CSMD1: variants seen among roughly 807,000 people sequenced by gnomAD.
CSMD1 encodes CUB and Sushi multiple domains 1, also known as CUB and sushi domain-containing protein 1.
CSMD1 carries 213 observed loss-of-function variants against 417.5 expected under a neutral mutation model. That is an observed-to-expected ratio of 0.51 (90% CI 0.46 to 0.57). The LOEUF (loss-of-function observed/expected upper bound fraction) is 0.57, where lower values mean the gene tolerates loss of function less well. Among genes scored for constraint, CSMD1 ranks in the 20% least tolerant of loss-of-function variants. The pLI is 0.00. For missense variants in CSMD1, 6,923 were observed against 4,529.7 expected, an observed-to-expected ratio of 1.53 and a Z score of -15.17; for synonymous variants, 2,862 against 1,736.8, an observed-to-expected ratio of 1.65 and a Z score of -16.11.
intron 10 of CSMD1, among the ~76,000 whole-genome samples, chr8:3,543,110 C>A (rs748724665): frequency 1.3e-5 from 2 of 152,178 alleles, no homozygotes; most frequent in African/African-American, 2.4e-5. Context: ...GTGAGCAAAT[C>A]TGTGCATCCT....
At position 3,979,240 on chromosome 8, in the gene CSMD1, T is replaced by C. The variant is rs371287047; in HGVS notation, c.818+18663A>G. On this transcript the variant is annotated intron_variant, in intron 5 of 69. Transcript: ENST00000635120. ...GTATAGGAAGTTTTAGGCCAGGAAA[T>C]TTAGGGCATCTTTTTGTTTTGGGAG... Among the ~76,000 whole-genome samples, 20 of 152,252 alleles carry C rather than the reference T, an allele frequency of 1.3e-4. No individual in the cohort carries two copies. In the East Asian group the frequency reaches 3.5e-3, roughly 26 times the overall value.
chr8:4,535,990 TAA>T (rs1563265800), intron 2 of CSMD1, among the ~76,000 whole-genome samples: 1 of 152,102 alleles, frequency 6.6e-6, no homozygotes, highest in African/African-American at 2.4e-5. Flanking sequence ...TTAAAATAAA[TAA>T]AAGTTTCAGA....
intron 5 of CSMD1, among the ~76,000 whole-genome samples, chr8:3,757,522 C>T (rs936176029): frequency 6.6e-6 from 1 of 152,160 alleles, no homozygotes; most frequent in African/African-American, 2.4e-5. Flanking sequence ...CAGATTTGGC[C>T]TGCAGGTACT....
intron 5 of CSMD1, among the ~76,000 whole-genome samples, chr8:3,849,491 C>A (rs2954222): frequency 0.18 from 27,389 of 152,078 alleles, 2,774 homozygotes; most frequent in East Asian, 0.39. Flanking sequence ...TGGAATCCAT[C>A]AAATAAATGA....
At position 4,928,612 on chromosome 8, in the gene CSMD1, G is replaced by T. The variant is rs1281340471; in HGVS notation, c.85+65720C>A. The stretch of plus-strand genomic sequence containing the variant: ...GAAAGAGGCTATCCACAAACGCGCT[G>T]AGAAGTAACTGGCTCATAGTAAGGG... On this transcript the variant is annotated intron_variant, in intron 1 of 69. Coordinates refer to ENST00000635120, the MANE Select transcript of CSMD1 (RefSeq NM_033225.6). Among the ~76,000 whole-genome samples, 7 of 152,164 alleles carry T rather than the reference G, an allele frequency of 4.6e-5. No homozygotes were observed. The East Asian group carries it at 1.4e-3, about 29-fold the overall frequency.
intron 3 of CSMD1, among the ~76,000 whole-genome samples, chr8:4,102,387 G>C (rs548814095): frequency 3.9e-5 from 6 of 152,114 alleles, no homozygotes; most frequent in Admixed American, 1.3e-4. Flanking sequence ...TGGTAACTTC[G>C]TAAGGTTAAC....
At chr8:4,959,045 T>C in intron 1 of CSMD1, among the ~76,000 whole-genome samples, 1 of 152,218 alleles carries the variant, frequency 6.6e-6, no homozygotes, top group East Asian at 1.9e-4. Flanking sequence ...TGCTATATAG[T>C]ATATGTCATC....
intron 3 of CSMD1, among the ~76,000 whole-genome samples, chr8:4,076,001 G>A (rs992176581): frequency 2.0e-5 from 3 of 152,122 alleles, no homozygotes; most frequent in African/African-American, 4.8e-5. Context: ...TGGGAGGGTG[G>A]AGGGGGGATA....
chr8:3,044,642 A>T (rs934974443), intron 50 of CSMD1, among the ~76,000 whole-genome samples: 3 of 152,296 alleles, frequency 2.0e-5, no homozygotes, highest in Admixed American at 2.0e-4. Flanking sequence ...ATGAAAAAAA[A>T]AAGGGACCTC....
At chr8:4,237,150 A>T (rs73186168) in intron 3 of CSMD1, among the ~76,000 whole-genome samples, 6,054 of 152,292 alleles carry the variant, frequency 0.04, 141 homozygotes, top group East Asian at 0.088. Flanking sequence ...AGAAATTCTT[A>T]CTGATTGAAA....
intron 1 of CSMD1, among the ~76,000 whole-genome samples, chr8:4,875,623 A>G (rs1802998216): frequency 1.3e-5 from 2 of 152,132 alleles, no homozygotes; most frequent in Non-Finnish European, 2.9e-5. Context: ...GTTGTTTGCA[A>G]TAGGATATGA....
At chr8:3,665,549 G>A (rs532069952) in intron 7 of CSMD1, among the ~76,000 whole-genome samples, 1 of 152,090 alleles carries the variant, frequency 6.6e-6, no homozygotes, top group South Asian at 2.1e-4. Flanking sequence ...ATATTTGTCA[G>A]GAAAATAATT....
At chr8:3,885,594 A>AG (rs1461746667) in intron 5 of CSMD1, among the ~76,000 whole-genome samples, 1 of 152,182 alleles carries the variant, frequency 6.6e-6, no homozygotes, top group African/African-American at 2.4e-5. Context: ...ATCCAACATC[A>AG]GAATCGGCTA....
intron 2 of CSMD1, among the ~76,000 whole-genome samples, chr8:4,633,746 G>C (rs1802674738): frequency 6.6e-6 from 1 of 151,856 alleles, no homozygotes; most frequent in Non-Finnish European, 1.5e-5. Flanking sequence ...TTTTAGTGGA[G>C]ACGGGGTTTC....
At chr8:4,709,873 T>C (rs1399073565) in intron 1 of CSMD1, among the ~76,000 whole-genome samples, 2 of 152,062 alleles carry the variant, frequency 1.3e-5, no homozygotes, top group African/African-American at 4.8e-5. Flanking sequence ...AAAGTCTCAA[T>C]GAACGTTTAA....
chr8:4,277,662 G>T (rs922001160), intron 3 of CSMD1, among the ~76,000 whole-genome samples: 13 of 152,286 alleles, frequency 8.5e-5, no homozygotes, highest in South Asian at 2.1e-4. Context: ...TTTGTATCAT[G>T]TACTGATTTA....
At chr8:3,556,553 C>T (rs1432926604) in intron 10 of CSMD1, among the ~76,000 whole-genome samples, 1 of 62,120 alleles carries the variant, frequency 1.6e-5, no homozygotes, top group Non-Finnish European at 3.4e-5. Context: ...CACACACACC[C>T]TCTCTCTCTT....
chr8:3,902,352 T>C (rs1807812030), intron 5 of CSMD1, among the ~76,000 whole-genome samples: 1 of 152,196 alleles, frequency 6.6e-6, no homozygotes, highest in African/African-American at 2.4e-5. Flanking sequence ...ATCTTGGCTT[T>C]TCTGTTTACA....
chr8:4,762,034 T>G (rs1184826650), intron 1 of CSMD1, among the ~76,000 whole-genome samples: 2 of 152,028 alleles, frequency 1.3e-5, no homozygotes, highest in East Asian at 3.9e-4. Context: ...ATATTAAGAC[T>G]CAGGATACTG....
Sources: allele counts gnomAD v4.1 joint callset (sites outside exome capture counted in the v4.1 genomes callset), GRCh38; gene constraint gnomAD v4.1.1; transcripts MANE v1.5; gene names NCBI Gene and HGNC (gene_info 2026-07-23, HGNC 2026-07-21).